PIGN: variants seen among roughly 807,000 people sequenced by gnomAD.
The protein encoded by PIGN is GPI ethanolamine phosphate transferase 1.
Under a neutral mutation model 125.4 loss-of-function variants are expected in PIGN, and 117 were observed. That is an observed-to-expected ratio of 0.93 (90% CI 0.80 to 1.09). The LOEUF is 1.09. Among genes scored for constraint, PIGN ranks in the 50% least tolerant of loss-of-function variants. PIGN has a pLI of 0.00. For synonymous variants in PIGN, 392 were observed against 377.8 expected (o/e 1.04, Z -0.44); for missense variants, 1,075 against 1,094.9 (o/e 0.98, Z 0.26).
At chr18:62,067,592 T>C (rs911905410) in intron 30 of PIGN, among the ~76,000 whole-genome samples, 1 of 152,222 alleles carries the variant, frequency 6.6e-6, no homozygotes, top group Non-Finnish European at 1.5e-5. Context: ...CTCTTACATA[T>C]CTGGTTTCTT....
intron 28 of PIGN, 90 bp from the exon 29 acceptor site, chr18:62,074,911 C>G (rs1695131513): frequency 2.4e-6 from 2 of 821,410 alleles, no homozygotes; most frequent in Non-Finnish European, 4.0e-6. Flanking sequence ...GGCAAATAAC[C>G]TAGTATTGTT....
At chr18:62,181,964 G>T (rs1368275801) in intron 1 of PIGN, among the ~76,000 whole-genome samples, 1 of 152,120 alleles carries the variant, frequency 6.6e-6, no homozygotes, top group Non-Finnish European at 1.5e-5. Flanking sequence ...GACCTCAGGT[G>T]ATCCACCTAC....
intron 14 of PIGN, among the ~76,000 whole-genome samples, chr18:62,131,344 A>G (rs1003436622): frequency 4.8e-4 from 73 of 152,124 alleles, no homozygotes; most frequent in African/African-American, 1.7e-3. Context: ...ATCTCTGAAG[A>G]GATCTTTTTT....
chr18:62,029,056 T>C (rs1320329517), intron 23 of PIGN, among the ~76,000 whole-genome samples: 1 of 152,202 alleles, frequency 6.6e-6, no homozygotes, highest in Non-Finnish European at 1.5e-5. Context: ...TGGAGGCCAG[T>C]GGTGCCTGGT....
intron 10 of PIGN, 100 bp from the exon 11 acceptor site, chr18:62,143,446 G>T: frequency 1.4e-6 from 1 of 700,080 alleles, no homozygotes; most frequent in Non-Finnish European, 2.5e-6. Context: ...AAACATAGGT[G>T]TTAGAAATGT....
chr18:62,156,068 A>C (rs2036721118), intron 6 of PIGN, among the ~76,000 whole-genome samples: 1 of 152,186 alleles, frequency 6.6e-6, no homozygotes, highest in East Asian at 1.9e-4. Flanking sequence ...GAAATGATCA[A>C]TCTTTCTGCT....
At chr18:62,064,832 CA>C (rs1042319177) in intron 30 of PIGN, among the ~76,000 whole-genome samples, 24 of 152,086 alleles carry the variant, frequency 1.6e-4, no homozygotes, top group African/African-American at 5.8e-4. Flanking sequence ...TACAATCCCC[CA>C]ATTAGTTTCT....
At position 62,085,272 on chromosome 18, in the gene PIGN, G is replaced by T; in HGVS notation, c.2371-8C>A. 1 of 1,537,870 alleles carries T rather than the reference G, an allele frequency of 6.5e-7. No individual in the cohort carries two copies. Among genetic ancestry groups the T allele is most frequent in the South Asian group, 1.2e-5 (1 of 82,988 alleles). ...TGTCACTAAGAAGAAAACCTAAAGG[G>T]AGTCAAGGAAATGGCAAAACAACTC... On this transcript the variant is annotated splice_polypyrimidine_tract_variant and splice_region_variant and intron_variant, in intron 25 of 30. Coordinates refer to ENST00000640252, the MANE Select transcript of PIGN (RefSeq NM_176787.5).
chr18:62,054,739 G>A (rs1440927421), intron 30 of PIGN, among the ~76,000 whole-genome samples: 2 of 151,854 alleles, frequency 1.3e-5, no homozygotes, highest in Admixed American at 6.6e-5. Flanking sequence ...CAATCTGCCC[G>A]CTTTGGCCCT....
intron 1 of PIGN, among the ~76,000 whole-genome samples, chr18:62,172,535 C>T (rs1568257063): frequency 6.6e-6 from 1 of 152,030 alleles, no homozygotes; most frequent in African/African-American, 2.4e-5. Context: ...TAATAATGTA[C>T]TTAACTTATA....
chr18:62,046,954 TTC>T (rs1480460337), intron 30 of PIGN, among the ~76,000 whole-genome samples: 1 of 152,106 alleles, frequency 6.6e-6, no homozygotes, highest in African/African-American at 2.4e-5. Context: ...TTCCTGAATT[TTC>T]TTTTGCAGGA....
At chr18:62,040,335 G>T (rs1034368326), downstream of PIGN, among the ~76,000 whole-genome samples, 4 of 152,176 alleles carry the variant, frequency 2.6e-5, no homozygotes, top group African/African-American at 4.8e-5. Flanking sequence ...CAGTGGTCAT[G>T]TCTCTACAGG....
chr18:62,019,430 G>C (rs1387958962), intron 23 of PIGN, among the ~76,000 whole-genome samples: 1 of 152,228 alleles, frequency 6.6e-6, no homozygotes, highest in Non-Finnish European at 1.5e-5. Context: ...TTCACTTTGT[G>C]AATCTGTGAT....
At chr18:62,095,465 A>T (rs1433276150) in intron 23 of PIGN, among the ~76,000 whole-genome samples, 1 of 152,204 alleles carries the variant, frequency 6.6e-6, no homozygotes, top group African/African-American at 2.4e-5. Flanking sequence ...AGATTAAAAA[A>T]ATACTATATT....
chr18:62,125,148 GTATATACA>G, intron 14 of PIGN, among the ~76,000 whole-genome samples: 1 of 83,022 alleles, frequency 1.2e-5, no homozygotes, highest in Admixed American at 1.2e-4. Flanking sequence ...GTACATATGT[GTATATACA>G]TGTTTGTACA....
chr18:62,147,139 T>A, intron 8 of PIGN, 38 bp from the exon 9 acceptor site: 1 of 1,554,026 alleles, frequency 6.4e-7, no homozygotes, highest in Non-Finnish European at 8.7e-7. Context: ...TTAAATTAAT[T>A]TGGAGAAATC....
Position 62,113,262 on chromosome 18 carries a change from G to GAT in PIGN, c.1304_1305dup (p.His436IlefsTer27), listed in dbSNP as rs1354924939. On this transcript the variant is annotated frameshift_variant, in exon 16 of 31. Coordinates refer to ENST00000640252, the MANE Select transcript of PIGN (RefSeq NM_176787.5). LOFTEE classifies it high-confidence loss of function. Reference sequence around the variant, plus strand: ...CCCAAAAAGAATCTGTCATATGTGTGATAATAGGACAATCCTTTCAATGCA... The same window carrying GAT: ...CCCAAAAAGAATCTGTCATATGTGTGATATAATAGGACAATCCTTTCAATGCA... 1 of 1,612,638 alleles carries GAT rather than the reference G, an allele frequency of 6.2e-7. No individual in the cohort carries two copies.
intron 28 of PIGN, 68 bp downstream of exon 28, chr18:62,082,605 C>A: frequency 1.2e-6 from 1 of 813,098 alleles, no homozygotes; most frequent in Non-Finnish European, 2.1e-6. Context: ...TATGAAATGT[C>A]TTCGAAAGTT....
At position 62,161,359 on chromosome 18, in the gene PIGN, G is replaced by A; in HGVS notation, c.-6C>T. The A allele has an allele frequency of 6.3e-7, 1 of 1,596,722 alleles. No homozygotes were observed. ...AAAGTAAAGAACAGCAGCATATCCA[G>A]TGTAACTAATTAGTCTTCAAGAACA... On this transcript the variant is annotated 5_prime_UTR_variant, in exon 4 of 31. Coordinates refer to ENST00000640252, the MANE Select transcript of PIGN (RefSeq NM_176787.5).
Sources: allele counts gnomAD v4.1 joint callset (sites outside exome capture counted in the v4.1 genomes callset), GRCh38; gene constraint gnomAD v4.1.1; transcripts MANE v1.5; gene names NCBI Gene and HGNC (gene_info 2026-07-23, HGNC 2026-07-21).